Variants in TMC1 observed in about 807,000 individuals in gnomAD.
TMC1 encodes transmembrane channel-like protein 1.
TMC1 carries 84 observed loss-of-function variants against 105.8 expected under a neutral mutation model. The ratio of observed to expected loss-of-function variants is 0.79; its 90% confidence interval spans 0.67 to 0.95. The LOEUF (loss-of-function observed/expected upper bound fraction) is 0.95, where lower values mean the gene tolerates loss of function less well. Among genes scored for constraint, TMC1 ranks in the 40% least tolerant of loss-of-function variants. TMC1 has a pLI of 0.00. For missense variants in TMC1, 817 were observed against 914.1 expected (o/e 0.89, Z 1.37); for synonymous variants, 315 against 311.5 (o/e 1.01, Z -0.12).
chr9:72,800,827 T>C (rs1430854998), intron 17 of TMC1, among the ~76,000 whole-genome samples: 1 of 152,116 alleles, frequency 6.6e-6, no homozygotes, highest in African/African-American at 2.4e-5. Context: ...GACTGGAATG[T>C]TGATTAGGCA....
intron 18 of TMC1, among the ~76,000 whole-genome samples, chr9:72,812,919 A>G (rs1042648282): frequency 5.3e-5 from 8 of 152,236 alleles, no homozygotes; most frequent in African/African-American, 1.7e-4. Context: ...AGTGAGCACC[A>G]TATGTCTTCC....
chr9:72,753,807 C>T (rs894596347), intron 11 of TMC1, among the ~76,000 whole-genome samples: 11 of 152,188 alleles, frequency 7.2e-5, no homozygotes, highest in African/African-American at 2.7e-4. Context: ...GCCCCAAGGT[C>T]CTGTGTCCCT....
intron 12 of TMC1, among the ~76,000 whole-genome samples, chr9:72,757,797 A>G (rs1827696428): frequency 6.6e-6 from 1 of 152,144 alleles, no homozygotes; most frequent in African/African-American, 2.4e-5. Flanking sequence ...TTTATTAGGA[A>G]TGCTCAATTT....
At chr9:72,729,926 T>A (rs1267834587) in intron 8 of TMC1, among the ~76,000 whole-genome samples, 1 of 152,224 alleles carries the variant, frequency 6.6e-6, no homozygotes, top group Non-Finnish European at 1.5e-5. Flanking sequence ...CAGGGAATTA[T>A]CTAATAGTAA....
At chr9:72,605,145 AC>A (rs1434443200) in intron 2 of TMC1, among the ~76,000 whole-genome samples, 1 of 152,260 alleles carries the variant, frequency 6.6e-6, no homozygotes, top group Non-Finnish European at 1.5e-5. Flanking sequence ...TTTAATGATG[AC>A]ATGGATTCCG....
At chr9:72,587,282 C>T (rs920880857) in intron 2 of TMC1, among the ~76,000 whole-genome samples, 1 of 152,056 alleles carries the variant, frequency 6.6e-6, no homozygotes, top group African/African-American at 2.4e-5. Flanking sequence ...CCTCAGCCTC[C>T]TGAGTAGCTG....
intron 2 of TMC1, among the ~76,000 whole-genome samples, chr9:72,608,161 C>T (rs971471170): frequency 6.6e-6 from 1 of 151,822 alleles, no homozygotes; most frequent in Non-Finnish European, 1.5e-5. Context: ...ATAAGAAGCA[C>T]AGAAAAAAGA....
rs1826519753 is a variant in TMC1, at chr9:72,694,645, C to T, written c.167C>T (p.Pro56Leu). 6.2e-7 allele frequency: 1 copy of T among 1,612,632 alleles called. No homozygotes were observed. The highest frequency in any genetic ancestry group is 1.3e-5 in the African/African-American group (1 of 74,780). Residue 56 changes from proline to leucine, a missense_variant, in exon 7 of 24, where the codon CCT (proline) becomes CTT (leucine). By Grantham distance (98) the Pro-to-Leu change is moderately conservative. Transcript: ENST00000297784. ...GTTATCAATGAGGATGACCCAGAACCTGAACCAGAGGATGAAGAAACAAGG... is the reference window on the plus strand; with the variant it reads ...GTTATCAATGAGGATGACCCAGAACTTGAACCAGAGGATGAAGAAACAAGG... ...RDVINEDDPEPEPEDEETRKA... is the reference protein window; with the variant it reads ...RDVINEDDPELEPEDEETRKA...
intron 19 of TMC1, among the ~76,000 whole-genome samples, chr9:72,817,632 G>A (rs186506567): frequency 1.6e-4 from 25 of 152,286 alleles, no homozygotes; most frequent in East Asian, 1.4e-3. Flanking sequence ...GCTGCACGTC[G>A]ATTGTGTTCT....
At chr9:72,544,339 A>AACCCCAGATACTC (rs71357581) in intron 1 of TMC1, among the ~76,000 whole-genome samples, 88,844 of 151,654 alleles carry the variant, frequency 0.59, 28,158 homozygotes, top group African/African-American at 0.85. Flanking sequence ...CTCAAGGTAT[A>AACCCCAGATACTC]TCCACTTCAC....
At chr9:72,773,155 C>G (rs1827956429) in intron 13 of TMC1, among the ~76,000 whole-genome samples, 1 of 152,026 alleles carries the variant, frequency 6.6e-6, no homozygotes, top group Non-Finnish European at 1.5e-5. Flanking sequence ...TTCTCCCTGC[C>G]TAAAATTATT....
chr9:72,764,665 G>A (rs1486535999), intron 12 of TMC1, among the ~76,000 whole-genome samples: 3 of 152,130 alleles, frequency 2.0e-5, no homozygotes, highest in Non-Finnish European at 2.9e-5. Context: ...GCAGAGAGCA[G>A]AAGAATAAAA....
chr9:72,527,695 C>T (rs1043571961), intron 1 of TMC1, among the ~76,000 whole-genome samples: 16 of 152,158 alleles, frequency 1.1e-4, no homozygotes, highest in African/African-American at 3.9e-4. Flanking sequence ...GTTGTTTGTT[C>T]CGTCCCTGGT....
At chr9:72,722,732 C>T (rs1361532) in intron 8 of TMC1, among the ~76,000 whole-genome samples, 34,625 of 152,004 alleles carry the variant, frequency 0.23, 4,269 homozygotes, top group East Asian at 0.39. Flanking sequence ...GAACAATTAA[C>T]ATGACTGGAT....
At position 72,773,956 on chromosome 9, in the gene TMC1, G is replaced by A. The variant is rs1827969799; in HGVS notation, c.884+1401G>A. Among the ~76,000 whole-genome samples the A allele has an allele frequency of 2.0e-5, 3 of 152,284 alleles. 1 individual carries two copies. In the South Asian group the frequency reaches 6.2e-4, roughly 32 times the overall value. On this transcript the variant is annotated intron_variant, in intron 13 of 23. Coordinates refer to ENST00000297784, the MANE Select transcript of TMC1 (RefSeq NM_138691.3). ...GGTGTAATGGATGTGAGGACTAAAT[G>A]AATTAATACAAACAAAGCACTTAGA...
chr9:72,813,335 A>G (rs1008392259), intron 18 of TMC1, among the ~76,000 whole-genome samples: 1 of 152,186 alleles, frequency 6.6e-6, no homozygotes, highest in Non-Finnish European at 1.5e-5. Flanking sequence ...TATACTACAT[A>G]TGTGTAGTTT....
chr9:72,789,164 C>T lies in TMC1; in HGVS notation c.1071C>T (p.Asn357=), dbSNP rs1489881026. The part of the protein sequence containing the change: ...TEEKAAQVEE[N]VHLIRFLRFL... ...AAAAAGCAGCCCAAGTAGAAGAAAA[C>T]GTCCACTTGATCAGATTCCTGAGGT... The change falls in exon 15 of 24, where the codon AAC becomes AAT. Residue 357 remains asparagine (N), a synonymous_variant. Coordinates refer to ENST00000297784, the MANE Select transcript of TMC1 (RefSeq NM_138691.3). 1.2e-5 allele frequency: 20 copies of T among 1,613,184 alleles called. No homozygotes were observed. Among genetic ancestry groups the T allele is most frequent in the East Asian group, 8.9e-5 (4 of 44,872 alleles).
At chr9:72,599,671 G>T (rs942389093) in intron 2 of TMC1, among the ~76,000 whole-genome samples, 5 of 151,802 alleles carry the variant, frequency 3.3e-5, no homozygotes, top group African/African-American at 1.2e-4. Flanking sequence ...TTAGCCAGCC[G>T]TAGAGGCGGG....
intron 10 of TMC1, among the ~76,000 whole-genome samples, chr9:72,744,890 T>A (rs1827463771): frequency 6.6e-6 from 1 of 152,210 alleles, no homozygotes; most frequent in African/African-American, 2.4e-5. Context: ...GTTACACATA[T>A]GACCACCATC....
Sources: gnomAD v4.1 joint callset for allele counts (sites outside exome capture counted in the v4.1 genomes callset) on GRCh38, gnomAD v4.1.1 for gene constraint, MANE v1.5 for transcripts, NCBI Gene and HGNC (gene_info 2026-07-23, HGNC 2026-07-21) for gene names.